Variants in MCHR2 observed in about 807,000 individuals in gnomAD.
MCHR2 encodes melanin-concentrating hormone receptor 2.
A neutral mutation model predicts 24.8 loss-of-function variants in MCHR2; 15 were observed. The ratio of observed to expected loss-of-function variants is 0.60; its 90% CI spans 0.40 to 0.93. MCHR2 has a LOEUF of 0.93. Ranked by LOEUF, MCHR2 falls within the 40% of genes least tolerant of loss-of-function variation. The probability of loss-of-function intolerance (pLI) is 0.00; values close to 1 mark genes in which losing one functional copy is unlikely to be tolerated. For missense variants in MCHR2, 386 were observed against 408.7 expected (o/e 0.94, Z 0.48); for synonymous variants, 151 against 147.6 (o/e 1.02, Z -0.17).
rs1389860669 is a variant in MCHR2 at position 99,970,951 on chromosome 6, T to A, written c.-27-14777A>T. 4.6e-5 allele frequency among the ~76,000 whole-genome samples: 7 copies of A among 152,306 alleles called. No individual in the cohort carries two copies. In the South Asian group the frequency reaches 1.5e-3, roughly 32 times the overall value. On this transcript the variant is annotated intron_variant, in intron 1 of 5. Coordinates refer to ENST00000281806, the MANE Select transcript of MCHR2 (RefSeq NM_001040179.2). ...TGTTTTGGTACCAGTACCATGCTGT[T>A]TTGGTTACTGTAGCCTTGTAGTATA... is the stretch of plus-strand genomic sequence containing the variant.
intron 1 of MCHR2, among the ~76,000 whole-genome samples, chr6:99,986,284 A>T (rs1226420607): frequency 6.6e-6 from 1 of 152,162 alleles, no homozygotes; most frequent in Non-Finnish European, 1.5e-5. Flanking sequence ...GGAAGTAAAA[A>T]AAGAACTACG....
chr6:99,925,618 C>G (rs1470279638), intron 5 of MCHR2, among the ~76,000 whole-genome samples: 1 of 151,704 alleles, frequency 6.6e-6, no homozygotes, highest in Non-Finnish European at 1.5e-5. Context: ...TCTTATAAGG[C>G]ATTATTTTAA....
chr6:99,929,527 T>G (rs1189834682), intron 5 of MCHR2, among the ~76,000 whole-genome samples: 2 of 152,194 alleles, frequency 1.3e-5, no homozygotes, highest in East Asian at 3.8e-4. Context: ...TGCTGCTGTA[T>G]TGGGTGCATA....
chr6:99,954,665 T>C (rs574583203), intron 2 of MCHR2, among the ~76,000 whole-genome samples: 49 of 152,288 alleles, frequency 3.2e-4, no homozygotes, highest in African/African-American at 1.1e-3. Context: ...ATGGTCATAT[T>C]TTTTACTGCT....
intron 1 of MCHR2, among the ~76,000 whole-genome samples, chr6:99,956,944 ATGTGTG>A (rs3038362): frequency 6.7e-6 from 1 of 150,338 alleles, no homozygotes. Context: ...GCTGGACAAA[ATGTGTG>A]TGTGTGTGTG....
rs141157055 is a variant in MCHR2 at position 99,975,356 on chromosome 6, C to T, written c.-28+18580G>A. Among the ~76,000 whole-genome samples the T allele has an allele frequency of 8.0e-3, 1,211 of 152,304 alleles. 15 individuals carry two copies. Among genetic ancestry groups the T allele is most frequent in the African/African-American group, 0.028 (1,147 of 41,562 alleles). On this transcript the variant is annotated intron_variant, in intron 1 of 5. Coordinates refer to ENST00000281806, the MANE Select transcript of MCHR2 (RefSeq NM_001040179.2). ...CTAGGAATCAGCGAGACTCCGTGGC[C>T]GTAGGACCCTCTGAGCCAGGTGCAG...
In MCHR2 at chr6:99,920,402, C is replaced by T. The variant is rs1020029277; in HGVS notation, c.*538G>A. ...ATTTCACAGGTTTGTTACATGTAAT[C>T]TTACACATTGCATGTGTGCAATAAA... On this transcript the variant is annotated 3_prime_UTR_variant, in exon 6 of 6. Coordinates refer to ENST00000281806, the MANE Select transcript of MCHR2 (RefSeq NM_001040179.2). 13 of 154,200 alleles carry T rather than the reference C, an allele frequency of 8.4e-5. No individual in the cohort carries two copies. The allele number at this position is 154,200 out of a possible 1,614,324, so 9.6% of individuals were successfully genotyped here.
At chr6:99,943,282 T>TTATA (rs1554194132) in intron 3 of MCHR2, 139 bp from the exon 4 acceptor site, 10 of 276,118 alleles carry the variant, frequency 3.6e-5, no homozygotes, top group Non-Finnish European at 4.7e-5. Context: ...AAAGAAAGTT[T>TTATA]TATATATATA....
Position 99,920,734 on chromosome 6 carries a change from C to G in MCHR2, c.*206G>C. 1.8e-6 allele frequency: 1 copy of G among 566,870 alleles called. No individual in the cohort carries two copies. 35.1% of individuals were successfully genotyped at this position (566,870 alleles called of 1,614,324 possible). Reference sequence around the variant, plus strand: ...TATCTCAGACTATCCCATTCCCTACCCACAATATAGATCAACATTTTACAT... The same window carrying G: ...TATCTCAGACTATCCCATTCCCTACGCACAATATAGATCAACATTTTACAT... On this transcript the variant is annotated 3_prime_UTR_variant, in exon 6 of 6. Coordinates refer to ENST00000281806, the MANE Select transcript of MCHR2 (RefSeq NM_001040179.2).
At chr6:99,979,997 T>C (rs1775633276) in intron 1 of MCHR2, among the ~76,000 whole-genome samples, 1 of 152,208 alleles carries the variant, frequency 6.6e-6, no homozygotes, top group Non-Finnish European at 1.5e-5. Flanking sequence ...AAGAGAGTTG[T>C]TTGTTGTTGA....
chr6:99,948,167 G>A (rs1774908968), intron 2 of MCHR2, among the ~76,000 whole-genome samples, 196 bp from the exon 3 acceptor site: 1 of 152,066 alleles, frequency 6.6e-6, no homozygotes, highest in South Asian at 2.1e-4. Flanking sequence ...ACTTACTGTG[G>A]TGGTTTAAAA....
intron 5 of MCHR2, among the ~76,000 whole-genome samples, chr6:99,927,029 G>A (rs1050180179): frequency 1.2e-4 from 19 of 152,274 alleles, no homozygotes; most frequent in Admixed American, 1.2e-3. Context: ...GTAAGGAAGG[G>A]ATCCAGTTTC....
chr6:99,971,300 G>A (rs1427396845), intron 1 of MCHR2, among the ~76,000 whole-genome samples: 2 of 150,128 alleles, frequency 1.3e-5, no homozygotes, highest in African/African-American at 4.9e-5. Context: ...GGATTCCTAG[G>A]TATTTTATTC....
At chr6:99,958,273 G>A (rs1775105902) in intron 1 of MCHR2, among the ~76,000 whole-genome samples, 1 of 132,942 alleles carries the variant, frequency 7.5e-6, no homozygotes, top group Non-Finnish European at 1.7e-5. Context: ...TGGGACAATT[G>A]CCTGTCTAAA....
In MCHR2 at chr6:99,975,233, T is replaced by C. The variant is rs926910279; in HGVS notation, c.-28+18703A>G. Among the ~76,000 whole-genome samples the C allele has an allele frequency of 3.9e-5, 6 of 152,316 alleles. No individual in the cohort carries two copies. The South Asian group carries it at 1.2e-3, about 32-fold the overall frequency. ...GTGGTGGGCTCCACCCAGTTTGAGCTTCCAGGCTGCTTTGTTTACCTAATC... is the reference window on the plus strand; with the variant it reads ...GTGGTGGGCTCCACCCAGTTTGAGCCTCCAGGCTGCTTTGTTTACCTAATC... On this transcript the variant is annotated intron_variant, in intron 1 of 5. Transcript: ENST00000281806.
chr6:99,955,176 CA>C, intron 2 of MCHR2, among the ~76,000 whole-genome samples: 1 of 152,266 alleles, frequency 6.6e-6, no homozygotes, highest in South Asian at 2.1e-4. Context: ...GCAAAACTTA[CA>C]TGTGAAAATA....
At chr6:99,988,860 A>G (rs1191137379) in intron 1 of MCHR2, among the ~76,000 whole-genome samples, 1 of 152,194 alleles carries the variant, frequency 6.6e-6, no homozygotes, top group Non-Finnish European at 1.5e-5. Flanking sequence ...AACTTTTTCC[A>G]TATAATGAAT....
intron 3 of MCHR2, among the ~76,000 whole-genome samples, chr6:99,946,411 C>A (rs1299068700): frequency 2.0e-5 from 3 of 152,066 alleles, no homozygotes; most frequent in African/African-American, 7.2e-5. Flanking sequence ...ATGAACTTTG[C>A]AATTCTTTTT....
intron 1 of MCHR2, among the ~76,000 whole-genome samples, chr6:99,958,608 C>T (rs1306310509): frequency 6.6e-6 from 1 of 152,134 alleles, no homozygotes; most frequent in South Asian, 2.1e-4. Flanking sequence ...CCTCTTTCTC[C>T]CATGGCACCA....
Sources: gnomAD v4.1 joint callset for allele counts (sites outside exome capture counted in the v4.1 genomes callset) on GRCh38, gnomAD v4.1.1 for gene constraint, MANE v1.5 for transcripts, NCBI Gene and HGNC (gene_info 2026-07-23, HGNC 2026-07-21) for gene names.